Variants in TTLL11 observed in about 807,000 individuals in gnomAD.
The protein encoded by TTLL11 is tubulin polyglutamylase TTLL11.
In TTLL11, 42 loss-of-function variants were observed where a neutral mutation model predicts 51.7. That is an observed-to-expected ratio of 0.81 (90% CI 0.64 to 1.05). The LOEUF (loss-of-function observed/expected upper bound fraction) is 1.05, where lower values mean the gene tolerates loss of function less well. TTLL11 is among the 50% of genes least tolerant of loss of function. TTLL11 has a pLI of 0.00. For synonymous variants in TTLL11, 381 were observed against 383.5 expected (o/e 0.99, Z 0.08); for missense variants, 799 against 940.4 (o/e 0.85, Z 1.97).
At position 121,854,098 on chromosome 9, in the gene TTLL11, T is replaced by C. The variant is rs1244687676; in HGVS notation, c.1840+6239A>G. On this transcript the variant is annotated intron_variant, in intron 8 of 8. Coordinates refer to ENST00000321582, the MANE Select transcript of TTLL11 (RefSeq NM_001139442.2). Reference sequence around the variant, plus strand: ...ACTTTACACCTGATGAACTTGAGGCTTGGAGGAAGTTGCCTAACTTCCCTG... The same window carrying C: ...ACTTTACACCTGATGAACTTGAGGCCTGGAGGAAGTTGCCTAACTTCCCTG... Among the ~76,000 whole-genome samples, 3 of 152,074 alleles carry C rather than the reference T, an allele frequency of 2.0e-5. No individual in the cohort carries two copies. In the East Asian group the frequency reaches 5.8e-4, roughly 29 times the overall value.
chr9:122,068,983 C>T (rs1049042817), intron 1 of TTLL11, among the ~76,000 whole-genome samples: 6 of 152,158 alleles, frequency 3.9e-5, no homozygotes, highest in Middle Eastern at 3.2e-3. Context: ...GGATCTTGCG[C>T]CCCTGAATGA....
intron 3 of TTLL11, among the ~76,000 whole-genome samples, chr9:122,004,154 C>T (rs1012531481): frequency 1.3e-5 from 2 of 151,784 alleles, no homozygotes; most frequent in Non-Finnish European, 2.9e-5. Flanking sequence ...ATAAAAAGTA[C>T]CTCATGGTTA....
At chr9:121,942,620 C>T (rs1003531938) in intron 6 of TTLL11, among the ~76,000 whole-genome samples, 1 of 152,026 alleles carries the variant, frequency 6.6e-6, no homozygotes, top group Non-Finnish European at 1.5e-5. Flanking sequence ...ATTTTTCCTA[C>T]TGCCATGGAA....
intron 1 of TTLL11, among the ~76,000 whole-genome samples, chr9:122,049,756 C>G (rs926394612): frequency 1.3e-5 from 2 of 152,144 alleles, no homozygotes; most frequent in Non-Finnish European, 2.9e-5. Context: ...AATTTCAAGT[C>G]CCCCTGGGGA....
At chr9:121,945,542 C>T (rs1421733436) in intron 6 of TTLL11, among the ~76,000 whole-genome samples, 4 of 152,192 alleles carry the variant, frequency 2.6e-5, no homozygotes, top group Admixed American at 2.0e-4. Flanking sequence ...TCTCTGCCCA[C>T]AGGGCAGATC....
At chr9:121,966,441 C>A (rs2131637862) in intron 6 of TTLL11, among the ~76,000 whole-genome samples, 1 of 152,252 alleles carries the variant, frequency 6.6e-6, no homozygotes, top group Non-Finnish European at 1.5e-5. Context: ...TATCTATGTT[C>A]AGGAGAAGGA....
At chr9:121,998,280 TTTTG>T (rs1470377733) in intron 3 of TTLL11, among the ~76,000 whole-genome samples, 5 of 152,108 alleles carry the variant, frequency 3.3e-5, no homozygotes, top group Middle Eastern at 3.4e-3. Context: ...TTTCATTTTG[TTTTG>T]TTTGTTTGTT....
intron 1 of TTLL11, among the ~76,000 whole-genome samples, chr9:122,049,299 T>C (rs1456388721): frequency 2.0e-5 from 3 of 152,206 alleles, no homozygotes; most frequent in African/African-American, 4.8e-5. Context: ...AACCCGATGA[T>C]AAAGATTATG....
chr9:122,008,611 G>C lies in TTLL11; in HGVS notation c.694-18841C>G, dbSNP rs990185613. On this transcript the variant is annotated intron_variant, in intron 3 of 8. Transcript: ENST00000321582. Reference sequence around the variant, plus strand: ...AAGGGAACCTTTGCACACTGTTGGTGGGAAGGTAAATTAGTATGGCCATTA... The same window carrying C: ...AAGGGAACCTTTGCACACTGTTGGTCGGAAGGTAAATTAGTATGGCCATTA... 2.6e-5 allele frequency among the ~76,000 whole-genome samples: 4 copies of C among 152,234 alleles called. No homozygotes were observed. The South Asian group carries it at 6.2e-4, about 24-fold the overall frequency.
chr9:121,850,197 T>C (rs1837628285), intron 8 of TTLL11, among the ~76,000 whole-genome samples: 1 of 152,140 alleles, frequency 6.6e-6, no homozygotes, highest in Admixed American at 6.5e-5. Flanking sequence ...TGTAGATAGA[T>C]ACAGAGATAG....
intron 8 of TTLL11, 54 bp downstream of exon 8, chr9:121,860,283 C>T: frequency 1.5e-6 from 2 of 1,361,656 alleles, no homozygotes; most frequent in Middle Eastern, 1.8e-4. Flanking sequence ...GAAAATATAC[C>T]ACCCATGCCT....
At chr9:122,057,736 T>C (rs1050024454) in intron 1 of TTLL11, among the ~76,000 whole-genome samples, 2 of 152,196 alleles carry the variant, frequency 1.3e-5, no homozygotes, top group African/African-American at 4.8e-5. Flanking sequence ...AAGGCTTACA[T>C]AAAGGGATAT....
chr9:121,822,710 GC>G lies in TTLL11; in HGVS notation c.2009del (p.Gly670AlafsTer110). Reference sequence around the variant, plus strand: ...GGGGAGGGCCACGGTGTGGGGGCCGGCCCCCCGACGGGACGCCCCGGCCACA... The same window carrying G: ...GGGGAGGGCCACGGTGTGGGGGCCGGCCCCCGACGGGACGCCCCGGCCACA... ...LVCGRGVPSG[G>X]RPPHRGPPQE... On this transcript the variant is annotated frameshift_variant, in exon 9 of 9. Coordinates refer to ENST00000321582, the MANE Select transcript of TTLL11 (RefSeq NM_001139442.2). LOFTEE classifies it low-confidence loss of function (END_TRUNC). The surrounding 1 kb of genome is among the most constrained non-coding windows in gnomAD (Gnocchi z 5.8). 6.5e-7 allele frequency: 1 copy of G among 1,550,028 alleles called. No homozygotes were observed. Among genetic ancestry groups the G allele is most frequent in the Non-Finnish European group, 8.7e-7 (1 of 1,146,736 alleles).
chr9:121,825,036 G>A lies in TTLL11; in HGVS notation c.1841-2157C>T, dbSNP rs189335291. On this transcript the variant is annotated intron_variant, in intron 8 of 8. Coordinates refer to ENST00000321582, the MANE Select transcript of TTLL11 (RefSeq NM_001139442.2). ...GCGCTGCTCTGTTTGATCCTGATAT[G>A]AGGAGTTGATAAAATGGGTTTTACA... Among the ~76,000 whole-genome samples, 31 of 152,338 alleles carry A rather than the reference G, an allele frequency of 2.0e-4. No individual in the cohort carries two copies. The East Asian group carries it at 5.8e-3, about 28-fold the overall frequency.
intron 7 of TTLL11, among the ~76,000 whole-genome samples, chr9:121,861,816 G>A (rs1838022019): frequency 6.6e-6 from 1 of 152,160 alleles, no homozygotes; most frequent in African/African-American, 2.4e-5. Context: ...CAAATCTATG[G>A]ACAAGGGCTC....
At chr9:121,829,452 T>G (rs975017584) in intron 8 of TTLL11, among the ~76,000 whole-genome samples, 1 of 152,068 alleles carries the variant, frequency 6.6e-6, no homozygotes, top group South Asian at 2.1e-4. Flanking sequence ...AGTGGTGAAA[T>G]GGCTATAGAC....
At chr9:121,938,369 A>G (rs939525284) in intron 6 of TTLL11, among the ~76,000 whole-genome samples, 4 of 152,292 alleles carry the variant, frequency 2.6e-5, no homozygotes, top group Admixed American at 6.5e-5. Context: ...TGAGACATAA[A>G]AAAAGAAATA....
Position 122,092,889 on chromosome 9 carries a change from G to A in TTLL11, c.260C>T (p.Thr87Met). Reference protein sequence around the residue: ...NTQVLQRPPPTLPPSKPKPVQ... With the variant: ...NTQVLQRPPPMLPPSKPKPVQ... ...CGGCTTCGGCTTGGACGGGGGCAGC[G>A]TGGGCGGCGGCCGCTGAAGGACCTG... Residue 87 changes from threonine (T) to methionine (M), a missense_variant, in exon 1 of 9, where the codon ACG becomes ATG. By Grantham distance (81) the Thr-to-Met change is moderately conservative. Around this residue, in one of 3 missense-constraint regions of TTLL11, gnomAD observed 166 missense variants for 161.6 expected, o/e 1.03. Coordinates refer to ENST00000321582, the MANE Select transcript of TTLL11 (RefSeq NM_001139442.2). 6.4e-7 allele frequency: 1 copy of A among 1,568,690 alleles called. No homozygotes were observed. Among genetic ancestry groups the A allele is most frequent in the Non-Finnish European group, 8.6e-7 (1 of 1,165,510 alleles).
Position 121,870,461 on chromosome 9 carries a change from C to T in TTLL11, c.1733+36G>A, listed in dbSNP as rs1294646893. The T allele has an allele frequency of 6.5e-6, 10 of 1,538,842 alleles. No homozygotes were observed. The South Asian group carries it at 9.9e-5, about 15-fold the overall frequency. On this transcript the variant is annotated intron_variant, in intron 7 of 8. Coordinates refer to ENST00000321582, the MANE Select transcript of TTLL11 (RefSeq NM_001139442.2). ...GATGTGAGACTGGACTCCACCCAGC[C>T]CAAAGCCCAAGCCAGAGGGGGCTGT...
Sources: allele counts gnomAD v4.1 joint callset (sites outside exome capture counted in the v4.1 genomes callset), GRCh38; gene constraint gnomAD v4.1.1; regional missense constraint gnomAD v4.1.1; non-coding constraint Gnocchi (gnomAD v3.1); transcripts MANE v1.5; gene names NCBI Gene and HGNC (gene_info 2026-07-23, HGNC 2026-07-21).